The following ARFIP1 variants were observed in gnomAD, a reference collection of about 807,000 sequenced individuals.
ARFIP1 encodes the protein arfaptin-1.
ARFIP1 carries 24 observed loss-of-function variants against 42.5 expected under a neutral mutation model. The observed-to-expected ratio is 0.57, with a 90% confidence interval of 0.41 to 0.80. The LOEUF (loss-of-function observed/expected upper bound fraction) is 0.80, where lower values mean the gene tolerates loss of function less well. Among genes scored for constraint, ARFIP1 ranks in the 30% least tolerant of loss-of-function variants. ARFIP1 has a pLI of 0.00. For missense variants in ARFIP1, 354 were observed against 434.0 expected, an observed-to-expected ratio of 0.82 and a Z score of 1.64; for synonymous variants, 141 against 153.7, an observed-to-expected ratio of 0.92 and a Z score of 0.61.
intron 2 of ARFIP1, among the ~76,000 whole-genome samples, chr4:152,843,777 A>G (rs1407378460): frequency 6.6e-6 from 1 of 152,166 alleles, no homozygotes; most frequent in Non-Finnish European, 1.5e-5. Context: ...GCCCCCACCA[A>G]CAGCCCTGAG....
chr4:152,886,004 A>G (rs1393220787), intron 7 of ARFIP1, among the ~76,000 whole-genome samples: 1 of 152,036 alleles, frequency 6.6e-6, no homozygotes, highest in Non-Finnish European at 1.5e-5. Flanking sequence ...TCAAGAATAG[A>G]GCCAAAAGGC....
chr4:152,868,576 A>T (rs571345764), intron 3 of ARFIP1, among the ~76,000 whole-genome samples: 7 of 152,280 alleles, frequency 4.6e-5, no homozygotes, highest in African/African-American at 1.7e-4. Context: ...TTACTTTGAA[A>T]ATTTACATAT....
At chr4:152,856,477 A>G (rs1476558161) in intron 2 of ARFIP1, among the ~76,000 whole-genome samples, 1 of 152,250 alleles carries the variant, frequency 6.6e-6, no homozygotes, top group African/African-American at 2.4e-5. Flanking sequence ...TAAAAACAAT[A>G]TAGTATAACA....
Position 152,871,238 on chromosome 4 carries a change from A to G in ARFIP1, c.298+390A>G, listed in dbSNP as rs181320389. ...TCAACAATTAGGTTGGTTGTTTTTA[A>G]GAATGGATTAAATGAAAAAGGTCTT... On this transcript the variant is annotated intron_variant, in intron 4 of 8. Transcript: ENST00000353617. Among the ~76,000 whole-genome samples the G allele has an allele frequency of 1.5e-4, 23 of 152,320 alleles. No individual in the cohort carries two copies. In the East Asian group the frequency reaches 3.9e-3, roughly 26 times the overall value.
chr4:152,828,369 A>G (rs1404830311), intron 1 of ARFIP1, among the ~76,000 whole-genome samples: 1 of 152,174 alleles, frequency 6.6e-6, no homozygotes, highest in Non-Finnish European at 1.5e-5. Flanking sequence ...CCTTGTCAGC[A>G]TTTGGTGTTG....
intron 7 of ARFIP1, among the ~76,000 whole-genome samples, chr4:152,885,051 T>C (rs999841268): frequency 1.3e-5 from 2 of 152,096 alleles, no homozygotes; most frequent in Non-Finnish European, 2.9e-5. Context: ...TGTATGATCT[T>C]ATTCATTAAG....
At chr4:152,808,067 G>A (rs1729125344) in intron 1 of ARFIP1, among the ~76,000 whole-genome samples, 1 of 151,952 alleles carries the variant, frequency 6.6e-6, no homozygotes, top group South Asian at 2.1e-4. Flanking sequence ...TGCAGCCTCC[G>A]CCTCCCAGGT....
intron 1 of ARFIP1, among the ~76,000 whole-genome samples, chr4:152,806,003 A>G (rs1206273907): frequency 6.6e-6 from 1 of 152,264 alleles, no homozygotes; most frequent in Non-Finnish European, 1.5e-5. Context: ...GCCAAAAATA[A>G]GGAAATATAC....
chr4:152,898,596 A>T (rs1469177417), intron 8 of ARFIP1, among the ~76,000 whole-genome samples: 1 of 152,196 alleles, frequency 6.6e-6, no homozygotes, highest in Non-Finnish European at 1.5e-5. Context: ...GGCAACTTAC[A>T]GTCTAAAGGA....
At chr4:152,793,617 TAATAA>T (rs1731262479) in intron 1 of ARFIP1, among the ~76,000 whole-genome samples, 1 of 152,120 alleles carries the variant, frequency 6.6e-6, no homozygotes, top group African/African-American at 2.4e-5. Context: ...ACAACAGTAA[TAATAA>T]AATAGAACAA....
At position 152,910,817 on chromosome 4, in the gene ARFIP1, T is replaced by C. The variant is rs1372017028; in HGVS notation, c.*598T>C. The C allele has an allele frequency of 1.3e-5, 2 of 152,018 alleles. No homozygotes were observed. The highest frequency in any genetic ancestry group is 2.4e-5 in the African/African-American group (1 of 41,400). 9.4% of individuals were successfully genotyped at this position (152,018 alleles called of 1,614,324 possible). Reference sequence around the variant, plus strand: ...TGTACCACTGTAATTTTATTTAGACTTTTTTTTAAAGACACAGAAATCACA... The same window carrying C: ...TGTACCACTGTAATTTTATTTAGACCTTTTTTTAAAGACACAGAAATCACA... On this transcript the variant is annotated 3_prime_UTR_variant, in exon 9 of 9. Coordinates refer to ENST00000353617, the MANE Select transcript of ARFIP1 (RefSeq NM_001025595.3).
At position 152,795,820 on chromosome 4, in the gene ARFIP1, A is replaced by ATTTTTTTTTTTTTTTTTTTTTTTTTTTT. The variant is rs56845391; in HGVS notation, c.-10+15599_-10+15626dup. On this transcript the variant is annotated intron_variant, in intron 1 of 8. Coordinates refer to ENST00000353617, the MANE Select transcript of ARFIP1 (RefSeq NM_001025595.3). ...CGATTGTTACTTGAGGGCCCTTGTA[A>ATTTTTTTTTTTTTTTTTTTTTTTTTTTT]TTTTTTTTTTTTTTTTTTTTTTTTT... Among the ~76,000 whole-genome samples, 12 of 28,066 alleles carry ATTTTTTTTTTTTTTTTTTTTTTTTTTTT rather than the reference A, an allele frequency of 4.3e-4. 1 individual carries two copies. Among genetic ancestry groups the ATTTTTTTTTTTTTTTTTTTTTTTTTTTT allele is most frequent in the Admixed American group, 6.2e-4 (1 of 1,618 alleles). 18.4% of individuals were successfully genotyped at this position (28,066 alleles called of 152,430 possible).
chr4:152,870,750 C>T lies in ARFIP1; in HGVS notation c.203-3C>T. ...TTCACAGTTAAAATGTCTACCTTTT[C>T]AGGTTCCCCAGCACCGCCACTGCCA... On this transcript the variant is annotated splice_region_variant and splice_polypyrimidine_tract_variant and intron_variant, in intron 3 of 8. Transcript: ENST00000353617. The T allele has an allele frequency of 1.2e-6, 2 of 1,611,982 alleles. No individual in the cohort carries two copies. The highest frequency in any genetic ancestry group is 1.7e-6 in the Non-Finnish European group (2 of 1,178,108).
intron 2 of ARFIP1, among the ~76,000 whole-genome samples, chr4:152,830,919 CTT>C (rs981219482): frequency 9.9e-5 from 15 of 152,110 alleles, no homozygotes; most frequent in African/African-American, 3.6e-4. Flanking sequence ...CATTAACAGT[CTT>C]TTGAAAAGAA....
At chr4:152,870,049 A>G (rs1323173327) in intron 3 of ARFIP1, among the ~76,000 whole-genome samples, 4 of 152,316 alleles carry the variant, frequency 2.6e-5, no homozygotes, top group East Asian at 1.9e-4. Flanking sequence ...AATATTCTAC[A>G]TCAGCACTTC....
At chr4:152,787,655 G>A (rs1463976549) in intron 1 of ARFIP1, among the ~76,000 whole-genome samples, 3 of 152,202 alleles carry the variant, frequency 2.0e-5, no homozygotes, top group Non-Finnish European at 4.4e-5. Context: ...CTTTTGGATG[G>A]TACAGTGTAT....
intron 3 of ARFIP1, among the ~76,000 whole-genome samples, chr4:152,864,237 T>C (rs1360497486): frequency 2.0e-5 from 3 of 152,212 alleles, no homozygotes; most frequent in Non-Finnish European, 2.9e-5. Context: ...ACCTGAGATA[T>C]AGTGGTATCT....
intron 7 of ARFIP1, among the ~76,000 whole-genome samples, chr4:152,886,859 C>CT (rs1736304053): frequency 6.6e-6 from 1 of 151,924 alleles, no homozygotes. Flanking sequence ...GAATGGTTCT[C>CT]TTTTGACCCT....
chr4:152,893,577 A>T (rs141379386), intron 8 of ARFIP1, among the ~76,000 whole-genome samples: 184 of 152,302 alleles, frequency 1.2e-3, no homozygotes, highest in African/African-American at 4.2e-3. Flanking sequence ...AGATTCAACA[A>T]AGCAGTTTGG....
Sources: gnomAD v4.1 joint callset for allele counts (sites outside exome capture counted in the v4.1 genomes callset) on GRCh38, gnomAD v4.1.1 for gene constraint, MANE v1.5 for transcripts, NCBI Gene and HGNC (gene_info 2026-07-23, HGNC 2026-07-21) for gene names.